The following LMBR1 variants were observed in gnomAD, a reference collection of about 807,000 sequenced individuals.
The protein encoded by LMBR1 is limb region 1 protein homolog.
A neutral mutation model predicts 73.9 loss-of-function variants in LMBR1; 52 were observed. The ratio of observed to expected loss-of-function variants is 0.70; its 90% CI spans 0.56 to 0.89. The LOEUF is 0.89. Ranked by LOEUF, LMBR1 falls within the 40% of genes least tolerant of loss-of-function variation. The pLI is 0.00. For synonymous variants in LMBR1, 215 were observed against 209.4 expected (o/e 1.03, Z -0.23); for missense variants, 539 against 579.8 (o/e 0.93, Z 0.72).
At chr7:156,695,384 A>C (rs1325800778) in intron 15 of LMBR1, among the ~76,000 whole-genome samples, 2 of 152,230 alleles carry the variant, frequency 1.3e-5, no homozygotes, top group Non-Finnish European at 1.5e-5. Context: ...TTTATAAAGA[A>C]AAGAGGTTTA....
intron 1 of LMBR1, among the ~76,000 whole-genome samples, chr7:156,872,844 C>T (rs1324078241): frequency 1.3e-5 from 2 of 152,102 alleles, no homozygotes; most frequent in South Asian, 4.2e-4. Context: ...ACCTTTGCTC[C>T]GGAACTACTG....
intron 5 of LMBR1, among the ~76,000 whole-genome samples, chr7:156,787,537 A>G (rs1828348922): frequency 6.6e-6 from 1 of 152,232 alleles, no homozygotes; most frequent in African/African-American, 2.4e-5. Flanking sequence ...GATGTAGAAA[A>G]TACAAAGACC....
At chr7:156,755,942 C>T (rs796684909) in intron 9 of LMBR1, among the ~76,000 whole-genome samples, 16 of 152,186 alleles carry the variant, frequency 1.1e-4, no homozygotes, top group Middle Eastern at 3.4e-3. Context: ...AAATGCAGTT[C>T]GTTATTAATT....
intron 1 of LMBR1, among the ~76,000 whole-genome samples, chr7:156,854,631 C>T (rs1371637898): frequency 6.6e-6 from 1 of 152,112 alleles, no homozygotes; most frequent in Admixed American, 6.6e-5. Context: ...AGAGAGACAC[C>T]CAGCTTCAGC....
intron 1 of LMBR1, among the ~76,000 whole-genome samples, chr7:156,862,091 G>T (rs1192263628): frequency 6.6e-6 from 1 of 152,196 alleles, no homozygotes; most frequent in Non-Finnish European, 1.5e-5. Context: ...TTTCCACGCT[G>T]CTGATAAAGA....
chr7:156,807,578 T>A (rs1832368399), intron 4 of LMBR1, among the ~76,000 whole-genome samples: 1 of 152,220 alleles, frequency 6.6e-6, no homozygotes, highest in African/African-American at 2.4e-5. Context: ...TTTTTGCTGA[T>A]CATTCTGGCA....
At chr7:156,856,528 C>A (rs1378695326) in intron 1 of LMBR1, among the ~76,000 whole-genome samples, 1 of 151,948 alleles carries the variant, frequency 6.6e-6, no homozygotes, top group Non-Finnish European at 1.5e-5. Flanking sequence ...TGAAACCAGC[C>A]AGGCCAACAT....
At chr7:156,838,898 G>C (rs75929717) in intron 1 of LMBR1, among the ~76,000 whole-genome samples, 4,842 of 151,886 alleles carry the variant, frequency 0.032, 124 homozygotes, top group South Asian at 0.085. Flanking sequence ...TTGTGTTTTT[G>C]ATTACAGCCA....
chr7:156,677,868 T>A lies in LMBR1; in HGVS notation c.*6210A>T, dbSNP rs1804355434. 1 of 152,234 alleles carries A rather than the reference T, an allele frequency of 6.6e-6. No homozygotes were observed. The highest frequency in any genetic ancestry group is 1.5e-5 in the Non-Finnish European group (1 of 68,046). The allele number at this position is 152,234 out of a possible 1,614,324, so 9.4% of individuals were successfully genotyped here. ...TTTAAACAATGAGTAAGCACTTTTA[T>A]TCTAAGAGAGCAGAGGGAAACTGAA... On this transcript the variant is annotated 3_prime_UTR_variant, in exon 17 of 17. Coordinates refer to ENST00000353442, the MANE Select transcript of LMBR1 (RefSeq NM_022458.4).
At chr7:156,701,321 TAAAC>T (rs764867426) in intron 15 of LMBR1, among the ~76,000 whole-genome samples, 26 of 152,174 alleles carry the variant, frequency 1.7e-4, no homozygotes, top group African/African-American at 3.1e-4. Context: ...GGTGAACAGA[TAAAC>T]AAATTGTGAT....
chr7:156,777,167 C>T (rs1320311984), intron 5 of LMBR1, among the ~76,000 whole-genome samples: 1 of 152,148 alleles, frequency 6.6e-6, no homozygotes, highest in Admixed American at 6.5e-5. Context: ...GATCTCCTGA[C>T]CTCATGATCT....
Position 156,763,729 on chromosome 7 carries a change from T to A in LMBR1, c.490A>T (p.Ile164Leu). The A allele has an allele frequency of 6.2e-7, 1 of 1,606,052 alleles. No homozygotes were observed. The highest frequency in any genetic ancestry group is 8.5e-7 in the Non-Finnish European group (1 of 1,178,262). ...LLLLALLILG[I>L]VWVASALIDN... Reference sequence around the variant, plus strand: ...ATGAGTGCTGAAGCTACCCACACTATCCCAAGAATGAGTAACGCAAGAAGA... The same window carrying A: ...ATGAGTGCTGAAGCTACCCACACTAACCCAAGAATGAGTAACGCAAGAAGA... The change falls in exon 6 of 17, where the codon ATA (isoleucine) becomes TTA (leucine). Residue 164 changes from isoleucine (I) to leucine (L), a missense_variant. Around this residue, in one of 3 missense-constraint regions of LMBR1, gnomAD observed 454 missense variants for 473.4 expected, o/e 0.96. Transcript: ENST00000353442.
chr7:156,697,749 G>A (rs1040006884), intron 15 of LMBR1, among the ~76,000 whole-genome samples: 2 of 152,038 alleles, frequency 1.3e-5, no homozygotes, highest in Non-Finnish European at 2.9e-5. Context: ...TCTTTTTCAA[G>A]GTGCACTGAT....
At chr7:156,868,348 C>T (rs1798774049) in intron 1 of LMBR1, among the ~76,000 whole-genome samples, 1 of 152,072 alleles carries the variant, frequency 6.6e-6, no homozygotes, top group South Asian at 2.1e-4. Context: ...CACACACCCC[C>T]ATGCCTGGCT....
At chr7:156,810,401 C>CT (rs1369578775) in intron 4 of LMBR1, among the ~76,000 whole-genome samples, 8 of 152,048 alleles carry the variant, frequency 5.3e-5, no homozygotes, top group Admixed American at 1.3e-4. Context: ...AAATTTCTCT[C>CT]TCTTTTTTTG....
chr7:156,821,477 G>T (rs552136432), intron 4 of LMBR1, among the ~76,000 whole-genome samples: 1 of 152,222 alleles, frequency 6.6e-6, no homozygotes, highest in Non-Finnish European at 1.5e-5. Context: ...TCTATGGGCT[G>T]TACATCTGGT....
intron 9 of LMBR1, among the ~76,000 whole-genome samples, chr7:156,750,128 G>A (rs182387154): frequency 3.9e-4 from 60 of 152,200 alleles, no homozygotes; most frequent in Non-Finnish European, 6.2e-4. Flanking sequence ...AAAGAACTCC[G>A]GAGGTTTTGA....
intron 15 of LMBR1, among the ~76,000 whole-genome samples, chr7:156,709,968 G>A (rs1314374103): frequency 3.6e-5 from 5 of 137,288 alleles, no homozygotes; most frequent in East Asian, 2.2e-4. Flanking sequence ...GCAGTGGCGC[G>A]ATCTTGGCTC....
Position 156,710,397 on chromosome 7 carries a change from C to T in LMBR1, c.1225+13715G>A, listed in dbSNP as rs144911908. 5.2e-3 allele frequency among the ~76,000 whole-genome samples: 798 copies of T among 152,206 alleles called. 5 individuals carry two copies. Among genetic ancestry groups the T allele is most frequent in the Non-Finnish European group, 8.4e-3 (568 of 68,010 alleles). ...TACCAAATGCACTGGAAAGTTTCAACGATAGACTGGACAAGTAAAAGAAAG... is the reference window on the plus strand; with the variant it reads ...TACCAAATGCACTGGAAAGTTTCAATGATAGACTGGACAAGTAAAAGAAAG... On this transcript the variant is annotated intron_variant, in intron 15 of 16. Coordinates refer to ENST00000353442, the MANE Select transcript of LMBR1 (RefSeq NM_022458.4).
Sources: allele counts gnomAD v4.1 joint callset (sites outside exome capture counted in the v4.1 genomes callset), GRCh38; gene constraint gnomAD v4.1.1; regional missense constraint gnomAD v4.1.1; transcripts MANE v1.5; gene names NCBI Gene and HGNC (gene_info 2026-07-23, HGNC 2026-07-21).